Variants in PDE6B observed in about 807,000 individuals in gnomAD.
PDE6B encodes rod cGMP-specific 3',5'-cyclic phosphodiesterase subunit beta.
In PDE6B, 106 loss-of-function variants were observed where a neutral mutation model predicts 109.0. The ratio of observed to expected loss-of-function variants is 0.97; its 90% CI spans 0.83 to 1.14. The LOEUF is 1.14. Among genes scored for constraint, PDE6B ranks in the 50% most tolerant of loss-of-function variants. The pLI is 0.00. For synonymous variants in PDE6B, 490 were observed against 471.3 expected (o/e 1.04, Z -0.51); for missense variants, 1,193 against 1,155.6 (o/e 1.03, Z -0.47).
At chr4:656,214 G>A (rs1736221335) in intron 7 of PDE6B, 31 bp from the exon 8 acceptor site, 2 of 1,513,600 alleles carry the variant, frequency 1.3e-6, no homozygotes, top group Non-Finnish European at 9.2e-7. Context: ...CCGCTGTTTT[G>A]GATGAAATCG....
At chr4:656,157 AG>A in intron 7 of PDE6B, 87 bp from the exon 8 acceptor site, 1 of 1,069,592 alleles carries the variant, frequency 9.3e-7, no homozygotes, top group African/African-American at 1.6e-5. Flanking sequence ...CCTACTTAAA[AG>A]CTCACCTCAG....
At position 635,956 on chromosome 4, in the gene PDE6B, C is replaced by CCTCCACAACT; in HGVS notation, c.698_699insCTCCACAACT (p.Arg234SerfsTer18). 1 of 1,603,634 alleles carries CCTCCACAACT rather than the reference C, an allele frequency of 6.2e-7. No homozygotes were observed. The highest frequency in any genetic ancestry group is 8.5e-7 in the Non-Finnish European group (1 of 1,170,432). ...CTGAGCTACCTCCACAACTGCGAGA[C>CCTCCACAACT]GCGCCGCGGCCAGGTACCCACACGC... On this transcript the variant is annotated frameshift_variant, in exon 3 of 22. Transcript: ENST00000496514. LOFTEE classifies it high-confidence loss of function.
chr4:653,654 G>C, intron 3 of PDE6B, 198 bp from the exon 4 acceptor site: 1 of 665,490 alleles, frequency 1.5e-6, no homozygotes, highest in Non-Finnish European at 2.6e-6. Context: ...CCGCCAGCCA[G>C]CTCCCGGGCC....
chr4:661,931 G>A, intron 12 of PDE6B: 1 of 615,036 alleles, frequency 1.6e-6, no homozygotes, highest in African/African-American at 1.8e-5. Flanking sequence ...CCACCCCATA[G>A]GTGCCAATGT....
chr4:642,929 A>T (rs1735017145), intron 3 of PDE6B, among the ~76,000 whole-genome samples: 1 of 152,134 alleles, frequency 6.6e-6, no homozygotes, highest in South Asian at 2.1e-4. Flanking sequence ...AGCTTTGCAT[A>T]CCTGGAATAA....
rs145605739 is a variant in PDE6B, at chr4:653,950, C to T, written c.810C>T (p.Cys270=). 103 of 1,613,856 alleles carry T rather than the reference C, an allele frequency of 6.4e-5. No homozygotes were observed. The African/African-American group carries it at 6.9e-4, about 11-fold the overall frequency. ...ACACGGTGCGGGCCTACCTCAACTG[C>T]GAGCGGTACTCCGTGGGCCTCCTGG... ...AFYTVRAYLN[C]ERYSVGLLDM... The change falls in exon 4 of 22, where the codon TGC becomes TGT. Residue 270 remains cysteine, a synonymous_variant. Coordinates refer to ENST00000496514, the MANE Select transcript of PDE6B (RefSeq NM_000283.4).
rs887305866 is a variant in PDE6B, at chr4:667,777, G to A, written c.2353-79G>A. 4.1e-6 allele frequency: 6 copies of A among 1,471,494 alleles called. No individual in the cohort carries two copies. The South Asian group carries it at 4.6e-5, about 11-fold the overall frequency. 91.2% of individuals were successfully genotyped at this position (1,471,494 alleles called of 1,614,324 possible). ...CAGGCAGTTCATCCCCTACGAGGGG[G>A]ATGAGCTGGGGAAGGGCTATCTTAC... On this transcript the variant is annotated intron_variant, in intron 20 of 21. Coordinates refer to ENST00000496514, the MANE Select transcript of PDE6B (RefSeq NM_000283.4).
At position 663,222 on chromosome 4, in the gene PDE6B, G is replaced by C; in HGVS notation, c.1920+35G>C. On this transcript the variant is annotated intron_variant, in intron 15 of 21. Transcript: ENST00000496514. This position sits in a 1 kb window ranked among gnomAD's most constrained non-coding sequence, Gnocchi z 4.0. ...CTCACCCTCGGTTTCTGCTGTGGGC[G>C]CTGGGGACGCAGCGTCCGCAGGACG... 1 of 1,200,530 alleles carries C rather than the reference G, an allele frequency of 8.3e-7. No homozygotes were observed. Among genetic ancestry groups the C allele is most frequent in the Middle Eastern group, 1.9e-4 (1 of 5,282 alleles). The allele number at this position is 1,200,530 out of a possible 1,614,324, so 74.4% of individuals were successfully genotyped here. A position where few individuals can be genotyped will look rare whatever the true frequency, so the allele number is the denominator to read the frequency against.
Position 660,597 on chromosome 4 carries a change from T to C in PDE6B, c.1598T>C (p.Phe533Ser), listed in dbSNP as rs1197816052. 6.2e-7 allele frequency: 1 copy of C among 1,613,558 alleles called. No individual in the cohort carries two copies. The highest frequency in any genetic ancestry group is 8.5e-7 in the Non-Finnish European group (1 of 1,179,974). ...TACGAGCTGGGCGTGGTCCGAAAGT[T>C]CCAGATCCCCCAGGAGGTGGGAGAC... The part of the protein sequence containing the change: ...MYYELGVVRK[F>S]QIPQEVLVRF... Residue 533 changes from phenylalanine to serine, a missense_variant, in exon 12 of 22, where the codon TTC (phenylalanine) becomes TCC (serine). Transcript: ENST00000496514.
chr4:642,374 G>A (rs1022325822), intron 3 of PDE6B, among the ~76,000 whole-genome samples: 6 of 152,092 alleles, frequency 3.9e-5, no homozygotes, highest in African/African-American at 9.7e-5. Context: ...TACTTGGGAG[G>A]CTGAGACAGG....
chr4:652,518 C>T, intron 3 of PDE6B: 1 of 984,166 alleles, frequency 1.0e-6, no homozygotes, highest in Non-Finnish European at 1.2e-6. Flanking sequence ...GTGTGGCGGC[C>T]ACCACTGCCG....
chr4:667,319 C>G (rs555866026), intron 20 of PDE6B, among the ~76,000 whole-genome samples: 1 of 152,204 alleles, frequency 6.6e-6, no homozygotes, highest in Non-Finnish European at 1.5e-5. Flanking sequence ...CTACCCACCC[C>G]GGGTCGTCAG....
chr4:637,649 G>A (rs1023747794), intron 3 of PDE6B, among the ~76,000 whole-genome samples: 3 of 152,220 alleles, frequency 2.0e-5, no homozygotes, highest in Non-Finnish European at 4.4e-5. Context: ...CGGCCTGGGG[G>A]CCGGCTGTGC....
Position 660,627 on chromosome 4 carries a change from C to T in PDE6B, c.1614+14C>T. 5 of 1,612,524 alleles carry T rather than the reference C, an allele frequency of 3.1e-6. No individual in the cohort carries two copies. The highest frequency in any genetic ancestry group is 4.2e-6 in the Non-Finnish European group (5 of 1,179,170). The stretch of plus-strand genomic sequence containing the variant: ...ATCCCCCAGGAGGTGGGAGACACCG[C>T]AGGGCGCATAGTCAGGTCCCTGAGG... On this transcript the variant is annotated intron_variant, in intron 12 of 21. Transcript: ENST00000496514.
chr4:661,913 A>G lies in PDE6B; in HGVS notation c.1615-221A>G, dbSNP rs4690287. 1 allele frequency: 585,740 copies of G among 585,830 alleles called. 292,825 individuals are homozygous for G. The highest frequency in any genetic ancestry group is 1 in the Middle Eastern group (2,140 of 2,140). 36.3% of individuals were successfully genotyped at this position (585,830 alleles called of 1,614,324 possible). On this transcript the variant is annotated intron_variant, in intron 12 of 21. Transcript: ENST00000496514. ...TGGGGCTGTTCTCAGCTCCTGCCCT[A>G]CCTGGCTCCACCCCATAGGTGCCAA...
intron 3 of PDE6B, among the ~76,000 whole-genome samples, chr4:642,729 A>AAAAAAAAAAAC (rs1488575246): frequency 1.3e-5 from 2 of 149,642 alleles, no homozygotes; most frequent in African/African-American, 4.9e-5. Context: ...CTGTCTCAAA[A>AAAAAAAAAAAC]AAAAAAAAAA....
At chr4:655,870 G>A in intron 6 of PDE6B, 70 bp from the exon 7 acceptor site, 1 of 894,110 alleles carries the variant, frequency 1.1e-6, no homozygotes, top group Non-Finnish European at 1.9e-6. Flanking sequence ...CAGACATCCA[G>A]TCCCTCTGAC....
At position 653,467 on chromosome 4, in the gene PDE6B, G is replaced by C. The variant is rs553769350; in HGVS notation, c.712-385G>C. On this transcript the variant is annotated intron_variant, in intron 3 of 21. Transcript: ENST00000496514. ...TGGCGGAGGCCACAGGCGGCCTGAC[G>C]TGCGGAAACCACGGCCCGATGTTCT... 2.9e-5 allele frequency: 17 copies of C among 592,210 alleles called. No individual in the cohort carries two copies. In the East Asian group the frequency reaches 9.5e-4, roughly 33 times the overall value. The allele number at this position is 592,210 out of a possible 1,614,324, so 36.7% of individuals were successfully genotyped here.
Position 657,407 on chromosome 4 carries a change from GA to G in PDE6B, c.1316del (p.Asn439ThrfsTer18). 6.2e-7 allele frequency: 1 copy of G among 1,613,284 alleles called. No individual in the cohort carries two copies. Among genetic ancestry groups the G allele is most frequent in the Non-Finnish European group, 8.5e-7 (1 of 1,179,798 alleles). On this transcript the variant is annotated frameshift_variant, in exon 10 of 22. Coordinates refer to ENST00000496514, the MANE Select transcript of PDE6B (RefSeq NM_000283.4). LOFTEE classifies it high-confidence loss of function. ...VMNTDTYDKM[N>X]KLENRKDIAQ... ...TGAACACCGACACCTACGACAAGAT[GA>G]ACAAGCTGGAGAACCGCAAGGACAT...
Sources: gnomAD v4.1 joint callset for allele counts (sites outside exome capture counted in the v4.1 genomes callset) on GRCh38, gnomAD v4.1.1 for gene constraint, Gnocchi (gnomAD v3.1) non-coding constraint, MANE v1.5 for transcripts, NCBI Gene and HGNC (gene_info 2026-07-23, HGNC 2026-07-21) for gene names.